ARRDC5: variants seen among roughly 807,000 people sequenced by gnomAD.
ARRDC5 encodes the protein arrestin domain-containing protein 5.
ARRDC5 carries 12 observed loss-of-function variants against 13.3 expected under a neutral mutation model. The observed-to-expected ratio is 0.90, with a 90% CI of 0.58 to 1.46. The LOEUF (loss-of-function observed/expected upper bound fraction) is 1.46. Among genes scored for constraint, ARRDC5 ranks in the 40% most tolerant of loss-of-function variants. ARRDC5 has a pLI of 0.00. For missense variants in ARRDC5, 406 were observed against 418.7 expected, an observed-to-expected ratio of 0.97 and a Z score of 0.26; for synonymous variants, 181 against 173.4, an observed-to-expected ratio of 1.04 and a Z score of -0.34.
At chr19:4,903,545 C>T (rs888077285), upstream of ARRDC5, 2 of 152,136 alleles carry the variant, frequency 1.3e-5, no homozygotes, top group Non-Finnish European at 2.9e-5. Context: ...CTCTGTCAGC[C>T]AGACTGGAGT....
the ARRDC5 span, among the ~76,000 whole-genome samples, chr19:4,913,556 C>G: frequency 6.6e-6 from 1 of 151,950 alleles, no homozygotes; most frequent in Non-Finnish European, 1.5e-5. Flanking sequence ...CACCCAGCCA[C>G]GTACATTGTG....
the ARRDC5 span, chr19:4,909,529 T>C: frequency 3.0e-6 from 2 of 658,680 alleles, no homozygotes; most frequent in East Asian, 3.2e-5. Context: ...GCGGGCAGCG[T>C]TTGCCGAGCG....
chr19:4,907,158 G>A (rs1316004185), upstream of ARRDC5, among the ~76,000 whole-genome samples: 5 of 152,186 alleles, frequency 3.3e-5, no homozygotes, highest in Admixed American at 1.3e-4. Flanking sequence ...CACCCAGGTG[G>A]GAGTACACTG....
At chr19:4,907,996 G>A in the ARRDC5 span, among the ~76,000 whole-genome samples, 2 of 152,212 alleles carry the variant, frequency 1.3e-5, no homozygotes, top group Admixed American at 6.5e-5. Context: ...ACAGGTGTGA[G>A]CCAACGCGCC....
At chr19:4,896,578 A>G (rs916577755) in intron 2 of ARRDC5, 93 bp downstream of exon 2, 7 of 940,356 alleles carry the variant, frequency 7.4e-6, no homozygotes, top group South Asian at 7.1e-5. Context: ...CCTTCTCCCC[A>G]TGGGACCTTC....
the ARRDC5 span, among the ~76,000 whole-genome samples, chr19:4,911,701 A>G: frequency 8.5e-5 from 13 of 152,092 alleles, no homozygotes; most frequent in African/African-American, 3.1e-4. Flanking sequence ...CATAGCTGCC[A>G]CGTTTGGGGC....
At chr19:4,909,468 T>C in the ARRDC5 span, 1 of 651,444 alleles carries the variant, frequency 1.5e-6, no homozygotes, top group Non-Finnish European at 2.8e-6. Context: ...GCCCCGCAAC[T>C]CCCAAATGCC....
chr19:4,896,936 C>CTTT (rs35308440), intron 1 of ARRDC5, 60 bp from the exon 2 acceptor site: 42 of 943,408 alleles, frequency 4.5e-5, no homozygotes, highest in Non-Finnish European at 5.6e-5. Flanking sequence ...CCTTCTTCTT[C>CTTT]TTTTTTTTTT....
In ARRDC5 at chr19:4,891,236, C is replaced by T. The variant is rs376606615; in HGVS notation, c.797G>A (p.Ser266Asn). The T allele has an allele frequency of 6.2e-7, 1 of 1,613,810 alleles. No individual in the cohort carries two copies. Among genetic ancestry groups the T allele is most frequent in the South Asian group, 1.1e-5 (1 of 91,082 alleles). Residue 266 changes from serine (S) to asparagine (N), a missense_variant, in exon 3 of 3, where the codon AGC becomes AAC. Ser to Asn is a conservative substitution (Grantham distance 46). Transcript: ENST00000650722. The part of the protein sequence containing the change: ...TFNLPLLLSV[S>N]SSTQDGEIMH... ...GATCTCACCGTCCTGCGTGCTGCTG[C>T]TCACGGACAGCAGCAACGGCAGGTT...
chr19:4,891,693 A>C, intron 2 of ARRDC5, 120 bp from the exon 3 acceptor site: 108 of 869,182 alleles, frequency 1.2e-4, no homozygotes, highest in Middle Eastern at 3.6e-4. Context: ...ACGATAGCTC[A>C]CGCCTATAAT....
the ARRDC5 span, among the ~76,000 whole-genome samples, chr19:4,913,027 T>TA: frequency 1.1e-4 from 16 of 152,156 alleles, no homozygotes; most frequent in Non-Finnish European, 1.9e-4. Flanking sequence ...GTTTTGGGGT[T>TA]ACAGGCGTGA....
the ARRDC5 span, chr19:4,910,787 G>A: frequency 6.9e-7 from 1 of 1,456,888 alleles, no homozygotes; most frequent in Non-Finnish European, 9.2e-7. Flanking sequence ...TCCACAGGCC[G>A]GACAAAAGCA....
intron 1 of ARRDC5, among the ~76,000 whole-genome samples, chr19:4,897,423 G>T (rs553377377): frequency 3.9e-5 from 6 of 152,218 alleles, no homozygotes; most frequent in African/African-American, 1.4e-4. Context: ...GACATGCCTG[G>T]AGTTGTCACC....
In ARRDC5 at chr19:4,891,592, A is replaced by G. The variant is rs759791110; in HGVS notation, c.460-19T>C. The G allele has an allele frequency of 6.3e-7, 1 of 1,596,828 alleles. No homozygotes were observed. Among genetic ancestry groups the G allele is most frequent in the South Asian group, 1.1e-5 (1 of 88,068 alleles). On this transcript the variant is annotated intron_variant, in intron 2 of 2. Coordinates refer to ENST00000650722, the MANE Select transcript of ARRDC5 (RefSeq NM_001080523.3). The stretch of plus-strand genomic sequence containing the variant: ...AGGGGTTCTAGGAGGATGTGGGGGA[A>G]CAGACAACCGTGAGGGACCAGGACC...
In ARRDC5 at chr19:4,902,599, T is replaced by G; in HGVS notation, c.227A>C (p.His76Pro). ...CTCCACTGGGAATGTCTTTGTCTTA[T>G]GCACGTAGTCTGCCTTGTTGTTGCA... Reference protein sequence around the residue: ...VICNNKADYVHKTKTFPVEDN... With the variant: ...VICNNKADYVPKTKTFPVEDN... The change falls in exon 1 of 3, where the codon CAT becomes CCT. Residue 76 changes from histidine (H) to proline (P), a missense_variant. Physicochemically the swap from His to Pro is moderately conservative, Grantham distance 77. Coordinates refer to ENST00000650722, the MANE Select transcript of ARRDC5 (RefSeq NM_001080523.3). 3 of 1,614,050 alleles carry G rather than the reference T, an allele frequency of 1.9e-6. No individual in the cohort carries two copies. The highest frequency in any genetic ancestry group is 2.5e-6 in the Non-Finnish European group (3 of 1,179,900).
At position 4,890,892 on chromosome 19, in the gene ARRDC5, G is replaced by A. The variant is rs1191367200; in HGVS notation, c.*154C>T. The A allele has an allele frequency of 3.3e-5, 21 of 632,568 alleles. No individual in the cohort carries two copies. Among genetic ancestry groups the A allele is most frequent in the Admixed American group, 3.0e-5 (1 of 33,462 alleles). 39.2% of individuals were successfully genotyped at this position (632,568 alleles called of 1,614,324 possible). ...AGGCATTCAGTGATAGTTCTAGGGA[G>A]GGGAGACACAGATACCTAAACCGCT... On this transcript the variant is annotated 3_prime_UTR_variant, in exon 3 of 3. Coordinates refer to ENST00000650722, the MANE Select transcript of ARRDC5 (RefSeq NM_001080523.3).
chr19:4,903,920 T>C (rs2032003223), upstream of ARRDC5, among the ~76,000 whole-genome samples: 1 of 152,146 alleles, frequency 6.6e-6, no homozygotes. Context: ...ATCAGGGCAG[T>C]GTGTGCTTAA....
Position 4,896,361 on chromosome 19 carries a change from TACACACAC to T in ARRDC5, c.459+302_459+309del, listed in dbSNP as rs71170877. 6.9e-3 allele frequency among the ~76,000 whole-genome samples: 588 copies of T among 84,874 alleles called. 10 individuals carry two copies. The highest frequency in any genetic ancestry group is 0.028 in the African/African-American group (505 of 17,720). The allele number at this position is 84,874 out of a possible 152,430, so 55.7% of individuals were successfully genotyped here. ...ATATATATATATATTTTTTTTTTTTTACACACACACACACACACACACACACACACACA... is the reference window on the plus strand; with the variant it reads ...ATATATATATATATTTTTTTTTTTTTACACACACACACACACACACACACA... On this transcript the variant is annotated intron_variant, in intron 2 of 2. Transcript: ENST00000650722.
At chr19:4,897,517 C>CT (rs1250490281) in intron 1 of ARRDC5, among the ~76,000 whole-genome samples, 5 of 151,484 alleles carry the variant, frequency 3.3e-5, no homozygotes, top group South Asian at 4.2e-4. Flanking sequence ...ACAAATATAT[C>CT]TTTTTTTTTC....
Sources: allele counts gnomAD v4.1 joint callset (sites outside exome capture counted in the v4.1 genomes callset), GRCh38; gene constraint gnomAD v4.1.1; transcripts MANE v1.5; gene names NCBI Gene and HGNC (gene_info 2026-07-23, HGNC 2026-07-21).